Variants in SPRYD7 observed in about 807,000 individuals in gnomAD.
SPRYD7 encodes SPRY domain containing 7, also known as SPRY domain-containing protein 7.
SPRYD7 carries 14 observed loss-of-function variants against 23.8 expected under a neutral mutation model. That is an observed-to-expected ratio of 0.59 (90% confidence interval 0.39 to 0.92). The LOEUF (loss-of-function observed/expected upper bound fraction) is 0.92, where lower values mean the gene tolerates loss of function less well. SPRYD7 is among the 40% of genes least tolerant of loss of function. SPRYD7 has a pLI of 0.00. For missense variants in SPRYD7, 194 were observed against 241.7 expected (o/e 0.80, Z 1.31); for synonymous variants, 75 against 84.9 (o/e 0.88, Z 0.64).
In SPRYD7 at chr13:49,931,581, TTA is replaced by T. The variant is rs1871378696; in HGVS notation, c.107-449_107-448del. Among the ~76,000 whole-genome samples the T allele has an allele frequency of 2.6e-5, 4 of 152,330 alleles. No individual in the cohort carries two copies. The South Asian group carries it at 8.3e-4, about 32-fold the overall frequency. On this transcript the variant is annotated intron_variant, in intron 1 of 4. Transcript: ENST00000361840. ...GTAAGTACTTTGAAATATAGCTGAA[TTA>T]TTTTAAATATTTAATTCACTATTTT...
At chr13:49,936,082 C>T (rs1343710365) in intron 1 of SPRYD7, 48 bp downstream of exon 1, 1 of 1,437,076 alleles carries the variant, frequency 7.0e-7, no homozygotes, top group East Asian at 2.7e-5. Flanking sequence ...CTGCCCGCCG[C>T]GCCCGGCCCC....
chr13:49,916,883 G>C (rs1406166341), intron 4 of SPRYD7, among the ~76,000 whole-genome samples: 1 of 152,180 alleles, frequency 6.6e-6, no homozygotes, highest in South Asian at 2.1e-4. Context: ...ACCACTTCTG[G>C]GATGAGATGG....
chr13:49,933,080 G>A (rs1002701574), intron 1 of SPRYD7, among the ~76,000 whole-genome samples: 2 of 152,180 alleles, frequency 1.3e-5, no homozygotes, highest in Admixed American at 6.5e-5. Context: ...GCACTTTGTA[G>A]TGGACATGCA....
chr13:49,920,020 T>C (rs1018718008), intron 4 of SPRYD7, among the ~76,000 whole-genome samples: 1 of 152,030 alleles, frequency 6.6e-6, no homozygotes, highest in East Asian at 1.9e-4. Context: ...GAGGGTTTAT[T>C]ATACTATTCT....
At chr13:49,921,607 C>T in intron 3 of SPRYD7, 27 bp from the exon 4 acceptor site, 1 of 1,414,264 alleles carries the variant, frequency 7.1e-7, no homozygotes, top group Non-Finnish European at 1.0e-6. Flanking sequence ...AGAAACGTTC[C>T]ATAAAAGCTG....
Position 49,928,024 on chromosome 13 carries a change from T to C in SPRYD7, c.285A>G (p.Arg95=), listed in dbSNP as rs564442583. 1 of 1,614,150 alleles carries C rather than the reference T, an allele frequency of 6.2e-7. No homozygotes were observed. Among genetic ancestry groups the C allele is most frequent in the South Asian group, 1.1e-5 (1 of 91,072 alleles). The change falls in exon 3 of 5, where the codon CGA becomes CGG. Residue 95 remains arginine, a synonymous_variant. Transcript: ENST00000361840. ...KVNLNQIPLG[R]DMHSLVMRND... is the part of the protein sequence containing the mutation. The stretch of plus-strand genomic sequence containing the variant: ...TTCTCATCACCAGACTGTGCATATC[T>C]CGGCCAAGAGGAATCTGATTCAAGT...
intron 4 of SPRYD7, among the ~76,000 whole-genome samples, chr13:49,921,218 T>A (rs937849948): frequency 1.3e-5 from 2 of 152,172 alleles, no homozygotes; most frequent in African/African-American, 4.8e-5. Context: ...GATGGTTTCA[T>A]AAGGGGCTTT....
chr13:49,928,434 C>A lies in SPRYD7; in HGVS notation c.224-349G>T, dbSNP rs185516227. ...TCCAGCCTGAGCGACAAAGCCAGAC[C>A]CTGTCTCAATAAATAAAATAAAATA... On this transcript the variant is annotated intron_variant, in intron 2 of 4. Transcript: ENST00000361840. 1.7e-3 allele frequency among the ~76,000 whole-genome samples: 259 copies of A among 152,054 alleles called. 1 individual carries two copies. Among genetic ancestry groups the A allele is most frequent in the Middle Eastern group, 3.4e-3 (1 of 294 alleles).
At chr13:49,918,549 A>G (rs1214318017) in intron 4 of SPRYD7, among the ~76,000 whole-genome samples, 1 of 148,500 alleles carries the variant, frequency 6.7e-6, no homozygotes, top group Non-Finnish European at 1.5e-5. Context: ...TTGCGATTAC[A>G]GGTGTGTGCC....
intron 3 of SPRYD7, among the ~76,000 whole-genome samples, chr13:49,924,989 T>A (rs199614367): frequency 0.11 from 14,811 of 134,628 alleles, 1,150 homozygotes; most frequent in East Asian, 0.39. Flanking sequence ...AAAAAAAAAA[T>A]AAATAAATAA....
chr13:49,930,921 T>C (rs1200652240), intron 2 of SPRYD7, 97 bp downstream of exon 2: 26 of 714,882 alleles, frequency 3.6e-5, no homozygotes, highest in Non-Finnish European at 5.9e-5. Context: ...AGTTTGGTGC[T>C]TTTATATTAC....
intron 4 of SPRYD7, among the ~76,000 whole-genome samples, chr13:49,918,872 G>A (rs112318643): frequency 1.3e-5 from 2 of 151,004 alleles, no homozygotes; most frequent in East Asian, 2.0e-4. Context: ...GCGCTACCAC[G>A]TCTGGCTAAT....
rs776920775 is a variant in SPRYD7 at position 49,936,205 on chromosome 13, AC to A, written c.30del (p.Cys11AlafsTer12). 1.2e-6 allele frequency: 2 copies of A among 1,607,912 alleles called. No homozygotes were observed. On this transcript the variant is annotated frameshift_variant, in exon 1 of 5. Transcript: ENST00000361840. LOFTEE classifies it high-confidence loss of function. Reference sequence around the variant, plus strand: ...TGGCCAGTCCCCCCGTCTCTGCAGCACCGCAGGCAGCACAACACCGAGGTGG... The same window carrying A: ...TGGCCAGTCCCCCCGTCTCTGCAGCACGCAGGCAGCACAACACCGAGGTGG... Reference protein sequence around the residue: MATSVLCCLRCCRDGGTGHI... With the variant: MATSVLCCLXCCRDGGTGHI...
intron 1 of SPRYD7, among the ~76,000 whole-genome samples, chr13:49,935,086 G>A (rs894218717): frequency 5.3e-5 from 8 of 152,176 alleles, no homozygotes; most frequent in South Asian, 2.1e-4. Flanking sequence ...ACACATACAA[G>A]GTGATTATAT....
At chr13:49,919,178 A>T (rs959967383) in intron 4 of SPRYD7, among the ~76,000 whole-genome samples, 1 of 151,842 alleles carries the variant, frequency 6.6e-6, no homozygotes, top group African/African-American at 2.4e-5. Flanking sequence ...GCACTTTGGG[A>T]GGCCGAGGTG....
intron 4 of SPRYD7, among the ~76,000 whole-genome samples, chr13:49,918,108 G>A (rs886497194): frequency 6.6e-6 from 1 of 152,176 alleles, no homozygotes; most frequent in African/African-American, 2.4e-5. Flanking sequence ...TGCCAAGGCT[G>A]GAGTGCAGCG....
chr13:49,917,011 C>T (rs1222814527), intron 4 of SPRYD7, among the ~76,000 whole-genome samples: 2 of 152,110 alleles, frequency 1.3e-5, no homozygotes, highest in Non-Finnish European at 2.9e-5. Flanking sequence ...ATGCAAGAAG[C>T]ACAGAATGCA....
intron 4 of SPRYD7, among the ~76,000 whole-genome samples, chr13:49,915,552 A>C (rs1955742882): frequency 6.6e-6 from 1 of 152,224 alleles, no homozygotes; most frequent in Non-Finnish European, 1.5e-5. Context: ...AAATGTTAAG[A>C]GTCCAGTGCA....
intron 4 of SPRYD7, among the ~76,000 whole-genome samples, chr13:49,919,167 A>G (rs980208020): frequency 3.3e-5 from 5 of 151,930 alleles, no homozygotes; most frequent in African/African-American, 1.2e-4. Flanking sequence ...CTATAATCTC[A>G]GCACTTTGGG....
Sources: gnomAD v4.1 joint callset for allele counts (sites outside exome capture counted in the v4.1 genomes callset) on GRCh38, gnomAD v4.1.1 for gene constraint, MANE v1.5 for transcripts, NCBI Gene and HGNC (gene_info 2026-07-23, HGNC 2026-07-21) for gene names.